TBC1D22A: variants seen among roughly 807,000 people sequenced by gnomAD.
The protein encoded by TBC1D22A is putative GTPase activator.
In TBC1D22A, 38 loss-of-function variants were observed where a neutral mutation model predicts 60.2. The ratio of observed to expected loss-of-function variants is 0.63; its 90% CI spans 0.49 to 0.83. TBC1D22A has a LOEUF of 0.83. Among genes scored for constraint, TBC1D22A ranks in the 40% least tolerant of loss-of-function variants. TBC1D22A has a pLI of 0.00. For synonymous variants in TBC1D22A, 302 were observed against 281.7 expected (o/e 1.07, Z -0.72); for missense variants, 628 against 701.0 (o/e 0.90, Z 1.18).
At chr22:46,799,462 G>A (rs534543252) in intron 4 of TBC1D22A, among the ~76,000 whole-genome samples, 1 of 152,142 alleles carries the variant, frequency 6.6e-6, no homozygotes, top group Non-Finnish European at 1.5e-5. Context: ...CACAGCACAG[G>A]GGTCACAATC....
At chr22:47,105,577 A>G (rs530594635) in intron 11 of TBC1D22A, among the ~76,000 whole-genome samples, 36 of 152,346 alleles carry the variant, frequency 2.4e-4, no homozygotes, top group African/African-American at 7.5e-4. Context: ...TAAAGGAGAA[A>G]GAAAGAACCC....
At chr22:47,107,528 A>T (rs1454434019) in intron 11 of TBC1D22A, among the ~76,000 whole-genome samples, 1 of 152,262 alleles carries the variant, frequency 6.6e-6, no homozygotes, top group Non-Finnish European at 1.5e-5. Context: ...CTAAAAACAG[A>T]TATAATAGAC....
At chr22:46,957,094 TA>T (rs1375902474) in intron 8 of TBC1D22A, among the ~76,000 whole-genome samples, 10 of 152,128 alleles carry the variant, frequency 6.6e-5, no homozygotes, top group African/African-American at 2.4e-4. Flanking sequence ...ACCTTTCTGT[TA>T]GAGAGGGACG....
intron 11 of TBC1D22A, among the ~76,000 whole-genome samples, chr22:47,041,473 G>A (rs1015237723): frequency 6.6e-6 from 1 of 152,364 alleles, no homozygotes; most frequent in Admixed American, 6.5e-5. Flanking sequence ...GGACTGGAGT[G>A]TGAGAATCTG....
chr22:46,836,343 G>A (rs1489787963), intron 4 of TBC1D22A, among the ~76,000 whole-genome samples: 1 of 152,196 alleles, frequency 6.6e-6, no homozygotes, highest in Non-Finnish European at 1.5e-5. Flanking sequence ...ATTTGTAAGA[G>A]AGAGAACTAA....
intron 11 of TBC1D22A, among the ~76,000 whole-genome samples, chr22:47,068,193 C>G (rs1397697363): frequency 6.6e-6 from 1 of 152,220 alleles, no homozygotes; most frequent in African/African-American, 2.4e-5. Flanking sequence ...CTGGCCGGAC[C>G]CTTGACTGGG....
intron 8 of TBC1D22A, among the ~76,000 whole-genome samples, chr22:46,933,847 A>G (rs1017089229): frequency 3.3e-5 from 5 of 152,210 alleles, no homozygotes; most frequent in Admixed American, 6.5e-5. Context: ...GTCTTGGGAA[A>G]CACAGCTTTA....
At chr22:46,953,256 G>T (rs1266763569) in intron 8 of TBC1D22A, among the ~76,000 whole-genome samples, 1 of 152,054 alleles carries the variant, frequency 6.6e-6, no homozygotes, top group Non-Finnish European at 1.5e-5. Context: ...TTATTGCTCA[G>T]ATTGATTCAC....
intron 3 of TBC1D22A, among the ~76,000 whole-genome samples, chr22:46,796,713 G>A (rs2084669737): frequency 1.3e-5 from 2 of 150,944 alleles, no homozygotes; most frequent in African/African-American, 4.9e-5. Context: ...GGGGGTCAGT[G>A]GGGCCATGGT....
chr22:47,080,919 G>A (rs9615128), intron 11 of TBC1D22A, among the ~76,000 whole-genome samples: 30 of 152,070 alleles, frequency 2.0e-4, no homozygotes, highest in East Asian at 1.4e-3. Context: ...TCAGGAGATC[G>A]AGACCAGCCT....
At chr22:47,115,969 A>G (rs1299444593) in intron 12 of TBC1D22A, 1 of 152,232 alleles carries the variant, frequency 6.6e-6, no homozygotes, top group Non-Finnish European at 1.5e-5. Flanking sequence ...ATCCCGGAAC[A>G]TCTTCATTTA....
At chr22:46,804,494 G>A (rs191868549) in intron 4 of TBC1D22A, among the ~76,000 whole-genome samples, 6 of 152,254 alleles carry the variant, frequency 3.9e-5, no homozygotes, top group Admixed American at 1.3e-4. Context: ...CTCTCTCAGC[G>A]GCTGTTTTAT....
At chr22:47,102,375 GC>G (rs1266354154) in intron 11 of TBC1D22A, among the ~76,000 whole-genome samples, 1 of 152,134 alleles carries the variant, frequency 6.6e-6, no homozygotes, top group East Asian at 1.9e-4. Context: ...CCAGGCGTGT[GC>G]CTCTCACTGA....
chr22:46,809,826 C>A (rs1260418826), intron 4 of TBC1D22A, among the ~76,000 whole-genome samples: 1 of 152,102 alleles, frequency 6.6e-6, no homozygotes, highest in Non-Finnish European at 1.5e-5. Flanking sequence ...GTGTGTCCTC[C>A]CCACCCAGAT....
chr22:47,148,882 G>A (rs891837965), intron 12 of TBC1D22A, among the ~76,000 whole-genome samples: 1 of 152,146 alleles, frequency 6.6e-6, no homozygotes, highest in African/African-American at 2.4e-5. Flanking sequence ...CCACCTCCTG[G>A]CTGTGCTCCC....
intron 8 of TBC1D22A, among the ~76,000 whole-genome samples, chr22:46,924,944 G>A (rs1221480421): frequency 1.3e-5 from 2 of 152,094 alleles, no homozygotes; most frequent in Non-Finnish European, 2.9e-5. Context: ...ACACATGAGA[G>A]GATGAACGCA....
At chr22:47,132,091 A>C (rs937695226) in intron 12 of TBC1D22A, among the ~76,000 whole-genome samples, 1 of 152,132 alleles carries the variant, frequency 6.6e-6, no homozygotes, top group Non-Finnish European at 1.5e-5. Flanking sequence ...TACATCCTTG[A>C]GGGCCATGAT....
intron 8 of TBC1D22A, among the ~76,000 whole-genome samples, chr22:46,960,471 A>C (rs2073435545): frequency 6.6e-6 from 1 of 152,140 alleles, no homozygotes; most frequent in African/African-American, 2.4e-5. Flanking sequence ...CATGTTGGCC[A>C]GGCTGGTCTT....
chr22:47,056,934 G>A (rs781237923), intron 11 of TBC1D22A, among the ~76,000 whole-genome samples: 3 of 152,150 alleles, frequency 2.0e-5, no homozygotes, highest in South Asian at 2.1e-4. Flanking sequence ...AGGTGCTGGC[G>A]GGCTGCAGTC....
Sources: allele counts gnomAD v4.1 joint callset (sites outside exome capture counted in the v4.1 genomes callset), GRCh38; gene constraint gnomAD v4.1.1; transcripts MANE v1.5; gene names NCBI Gene and HGNC (gene_info 2026-07-23, HGNC 2026-07-21).